The following PDE4D variants were observed in gnomAD, a reference collection of about 807,000 sequenced individuals.
PDE4D encodes 3',5'-cyclic-AMP phosphodiesterase 4D.
A neutral mutation model predicts 87.4 loss-of-function variants in PDE4D; 24 were observed. The ratio of observed to expected loss-of-function variants is 0.27; its 90% CI spans 0.20 to 0.39. The LOEUF (loss-of-function observed/expected upper bound fraction) is 0.39. Among genes scored for constraint, PDE4D ranks in the 10% least tolerant of loss-of-function variants. PDE4D has a pLI of 1.00. For missense variants in PDE4D, 714 were observed against 1,041.0 expected (o/e 0.69, Z 4.32); for synonymous variants, 384 against 383.2 (o/e 1.00, Z -0.02).
intron 5 of PDE4D, among the ~76,000 whole-genome samples, chr5:59,162,863 A>AAAAAAAG (rs1781332643): frequency 6.6e-6 from 1 of 151,410 alleles, no homozygotes; most frequent in Non-Finnish European, 1.5e-5. Context: ...CAAAAAAAAA[A>AAAAAAAG]AAAATTGTAA....
intron 1 of PDE4D, among the ~76,000 whole-genome samples, chr5:59,717,001 A>G (rs1755124481): frequency 1.3e-5 from 2 of 152,238 alleles, no homozygotes; most frequent in South Asian, 4.1e-4. Flanking sequence ...GTCATTGATA[A>G]AAGAGCACAG....
intron 3 of PDE4D, among the ~76,000 whole-genome samples, chr5:59,971,798 G>A (rs181355657): frequency 8.3e-4 from 126 of 152,228 alleles, no homozygotes; most frequent in African/African-American, 2.9e-3. Context: ...CAAAGTCAGG[G>A]CACTTTCTGT....
chr5:60,349,596 T>A (rs1759012823), intron 1 of PDE4D, among the ~76,000 whole-genome samples: 1 of 152,146 alleles, frequency 6.6e-6, no homozygotes, highest in Non-Finnish European at 1.5e-5. Flanking sequence ...ATCACTTACT[T>A]GGGCTGGAAG....
At chr5:59,055,048 C>A (rs1323826048) in intron 5 of PDE4D, among the ~76,000 whole-genome samples, 1 of 152,126 alleles carries the variant, frequency 6.6e-6, no homozygotes, top group Non-Finnish European at 1.5e-5. Flanking sequence ...ACCAACAGAA[C>A]ACATAAAGCA....
At chr5:60,181,044 C>G (rs1784337212) in intron 2 of PDE4D, among the ~76,000 whole-genome samples, 1 of 152,006 alleles carries the variant, frequency 6.6e-6, no homozygotes, top group South Asian at 2.1e-4. Context: ...AATACTCTAT[C>G]TTACAGGGTA....
At chr5:59,685,986 C>A (rs1749798079) in intron 1 of PDE4D, among the ~76,000 whole-genome samples, 1 of 152,074 alleles carries the variant, frequency 6.6e-6, no homozygotes, top group Admixed American at 6.6e-5. Flanking sequence ...TTCATCGCAG[C>A]TTAGACACAT....
intron 1 of PDE4D, among the ~76,000 whole-genome samples, chr5:59,260,205 G>A (rs1761741042): frequency 6.6e-6 from 1 of 151,746 alleles, no homozygotes; most frequent in African/African-American, 2.4e-5. Context: ...AGACTGTAAA[G>A]CAACTATTTA....
chr5:59,125,526 T>C (rs1775260644), intron 5 of PDE4D, among the ~76,000 whole-genome samples: 1 of 152,156 alleles, frequency 6.6e-6, no homozygotes, highest in South Asian at 2.1e-4. Flanking sequence ...CTTTCTGGGC[T>C]TCCGCTAGGG....
intron 5 of PDE4D, among the ~76,000 whole-genome samples, chr5:59,119,308 A>G (rs1193471284): frequency 6.6e-6 from 1 of 152,206 alleles, no homozygotes; most frequent in East Asian, 1.9e-4. Flanking sequence ...TAAAAATCCT[A>G]ATTTTAAATA....
At chr5:59,031,876 A>C (rs1159057909) in intron 6 of PDE4D, among the ~76,000 whole-genome samples, 1 of 152,058 alleles carries the variant, frequency 6.6e-6, no homozygotes, top group Non-Finnish European at 1.5e-5. Flanking sequence ...CTTTATGGGG[A>C]ATCTAGAAAA....
chr5:59,080,331 C>T (rs1291197399), intron 5 of PDE4D, among the ~76,000 whole-genome samples: 1 of 152,178 alleles, frequency 6.6e-6, no homozygotes, highest in Non-Finnish European at 1.5e-5. Context: ...TTGATCACTA[C>T]AGTTCCTTCT....
intron 5 of PDE4D, among the ~76,000 whole-genome samples, chr5:59,053,654 TGTTGTTG>T (rs1460922126): frequency 0.042 from 3,256 of 77,644 alleles, 132 homozygotes; most frequent in Middle Eastern, 0.059. Context: ...TGTTTTTTTT[TGTTGTTG>T]TTTTTTTTTT....
At chr5:59,503,743 G>A (rs1364365318) in intron 1 of PDE4D, among the ~76,000 whole-genome samples, 1 of 152,102 alleles carries the variant, frequency 6.6e-6, no homozygotes, top group East Asian at 1.9e-4. Flanking sequence ...TGGTGAGTAA[G>A]CCCACCTGAA....
intron 3 of PDE4D, among the ~76,000 whole-genome samples, chr5:59,971,369 A>T (rs1019691026): frequency 6.6e-6 from 1 of 151,282 alleles, no homozygotes; most frequent in Non-Finnish European, 1.5e-5. Flanking sequence ...ATAAAAAATA[A>T]ATAAATAAAT....
chr5:59,278,398 A>G (rs1765218000), intron 1 of PDE4D, among the ~76,000 whole-genome samples: 1 of 152,068 alleles, frequency 6.6e-6, no homozygotes, highest in African/African-American at 2.4e-5. Context: ...TTTGATCCAG[A>G]AGCTGCGATT....
At chr5:60,279,777 C>T (rs1161537234) in intron 1 of PDE4D, among the ~76,000 whole-genome samples, 4 of 151,626 alleles carry the variant, frequency 2.6e-5, no homozygotes, top group Admixed American at 6.6e-5. Flanking sequence ...CTCGACCTCC[C>T]GGGTTCACAT....
intron 5 of PDE4D, among the ~76,000 whole-genome samples, chr5:59,110,342 CCTGTCTGGGTAACCAA>C (rs1772394225): frequency 6.6e-6 from 1 of 152,148 alleles, no homozygotes. Flanking sequence ...TCTGTAAGGA[CCTGTCTGGGTAACCAA>C]CTGTCTTTCC....
Position 59,944,343 on chromosome 5 carries a change from T to C in PDE4D, c.272+44145A>G, listed in dbSNP as rs2963810. On this transcript the variant is annotated intron_variant, in intron 3 of 16. Transcript: ENST00000502484. ...TCTGGGCATACTTTAGGATTGTATCTGGGCATGCTTTTTTTTTGTTTTTGT... is the reference window on the plus strand; with the variant it reads ...TCTGGGCATACTTTAGGATTGTATCCGGGCATGCTTTTTTTTTGTTTTTGT... Among the ~76,000 whole-genome samples the C allele has an allele frequency of 3.7e-3, 557 of 152,308 alleles. 20 individuals are homozygous for C. The East Asian group carries it at 0.085, about 23-fold the overall frequency.
chr5:60,510,333 C>T (rs372824070), intron 1 of PDE4D, among the ~76,000 whole-genome samples: 51 of 152,254 alleles, frequency 3.3e-4, no homozygotes, highest in South Asian at 3.1e-3. Context: ...GTTTCTCTGT[C>T]CTTGGTTTCC....
Sources: allele counts gnomAD v4.1 joint callset (sites outside exome capture counted in the v4.1 genomes callset), GRCh38; gene constraint gnomAD v4.1.1; transcripts MANE v1.5; gene names NCBI Gene and HGNC (gene_info 2026-07-23, HGNC 2026-07-21).